Variants in NRXN3 observed in about 807,000 individuals in gnomAD.
NRXN3 encodes the protein neurexin 3.
In NRXN3, 32 loss-of-function variants were observed where a neutral mutation model predicts 137.6. The observed-to-expected ratio is 0.23, with a 90% confidence interval of 0.18 to 0.31. The LOEUF is 0.31. Ranked by LOEUF, NRXN3 falls within the 10% of genes least tolerant of loss-of-function variation. NRXN3 has a pLI of 1.00. For synonymous variants in NRXN3, 798 were observed against 784.5 expected (o/e 1.02, Z -0.29); for missense variants, 1,574 against 2,062.5 (o/e 0.76, Z 4.59).
intron 14 of NRXN3, among the ~76,000 whole-genome samples, chr14:78,983,806 G>C (rs1167220027): frequency 6.9e-6 from 1 of 145,724 alleles, no homozygotes; most frequent in Non-Finnish European, 1.5e-5. Context: ...GCAGTGAGCC[G>C]AGATCATGCC....
chr14:78,423,704 C>T (rs963520619), intron 4 of NRXN3, among the ~76,000 whole-genome samples: 1 of 152,226 alleles, frequency 6.6e-6, no homozygotes, highest in Non-Finnish European at 1.5e-5. Context: ...TGCATGTTCC[C>T]TGTCTCCACA....
intron 15 of NRXN3, among the ~76,000 whole-genome samples, chr14:79,263,937 A>C (rs2078030765): frequency 6.6e-6 from 1 of 152,168 alleles, no homozygotes; most frequent in African/African-American, 2.4e-5. Flanking sequence ...CTTTTGCCAG[A>C]TGAGCTTTAA....
chr14:79,182,358 T>G (rs2063024644), intron 15 of NRXN3, among the ~76,000 whole-genome samples: 1 of 151,796 alleles, frequency 6.6e-6, no homozygotes, highest in Non-Finnish European at 1.5e-5. Context: ...CACCATAATG[T>G]TGAATGAGTC....
chr14:78,760,279 T>G (rs962561409), intron 8 of NRXN3, among the ~76,000 whole-genome samples: 11 of 150,890 alleles, frequency 7.3e-5, no homozygotes, highest in African/African-American at 2.7e-4. Context: ...CGACCTCAGG[T>G]GATCCGCCCG....
chr14:78,748,948 A>G (rs1457331879), intron 8 of NRXN3, among the ~76,000 whole-genome samples: 2 of 152,238 alleles, frequency 1.3e-5, no homozygotes, highest in African/African-American at 4.8e-5. Context: ...GCCTACTCAC[A>G]TCACAGCATC....
intron 15 of NRXN3, among the ~76,000 whole-genome samples, chr14:79,435,348 A>G (rs1327046914): frequency 6.6e-6 from 1 of 151,620 alleles, no homozygotes; most frequent in African/African-American, 2.4e-5. Context: ...GGATGAGGTA[A>G]GTAGAGAAAG....
chr14:78,973,577 A>G (rs2099452077), intron 14 of NRXN3, among the ~76,000 whole-genome samples: 1 of 152,182 alleles, frequency 6.6e-6, no homozygotes, highest in African/African-American at 2.4e-5. Flanking sequence ...GAGGAAGAAG[A>G]TGATCTGTCA....
At chr14:78,490,890 T>G (rs1178921506) in intron 4 of NRXN3, among the ~76,000 whole-genome samples, 1 of 152,176 alleles carries the variant, frequency 6.6e-6, no homozygotes, top group Admixed American at 6.5e-5. Context: ...TGTTTTTCTG[T>G]CCATAGCTGA....
intron 10 of NRXN3, among the ~76,000 whole-genome samples, chr14:78,943,255 C>T (rs1346514428): frequency 1.3e-5 from 2 of 152,078 alleles, no homozygotes; most frequent in Non-Finnish European, 2.9e-5. Context: ...ATGGGAGTGG[C>T]TGCTGAAGCC....
chr14:78,909,502 T>A (rs921105309), intron 10 of NRXN3, among the ~76,000 whole-genome samples: 5 of 152,306 alleles, frequency 3.3e-5, no homozygotes, highest in Middle Eastern at 6.8e-3. Flanking sequence ...ATGACAATGT[T>A]CCTTCTTGTT....
intron 3 of NRXN3, chr14:78,282,605 TGTCTGCTGGGCCCCCAGGAGGCCTCC>T (rs2074556567): frequency 1.2e-5 from 2 of 160,156 alleles, no homozygotes; most frequent in South Asian, 3.5e-4. Context: ...GAGGGGCTCC[TGTCTGCTGGGCCCCCAGGAGGCCTCC>T]GTCTGCTGTT....
chr14:78,608,731 T>C (rs548069913), intron 4 of NRXN3, among the ~76,000 whole-genome samples: 1 of 152,314 alleles, frequency 6.6e-6, no homozygotes, highest in Non-Finnish European at 1.5e-5. Flanking sequence ...TTGAATAGCC[T>C]AGCCTGGGTC....
intron 4 of NRXN3, among the ~76,000 whole-genome samples, chr14:78,634,583 G>A (rs2097550909): frequency 6.6e-6 from 1 of 152,140 alleles, no homozygotes; most frequent in Non-Finnish European, 1.5e-5. Flanking sequence ...TATAGTAGAG[G>A]ATATTGCAAA....
At chr14:78,937,207 C>T (rs959466298) in intron 10 of NRXN3, among the ~76,000 whole-genome samples, 1 of 140,142 alleles carries the variant, frequency 7.1e-6, no homozygotes. Flanking sequence ...AAAAAAGAAA[C>T]AAAGAAAAGA....
At chr14:79,734,252 G>T (rs2098934260) in intron 19 of NRXN3, among the ~76,000 whole-genome samples, 1 of 152,164 alleles carries the variant, frequency 6.6e-6, no homozygotes, top group South Asian at 2.1e-4. Context: ...ATCCAATTCT[G>T]TGTAAACTCT....
intron 16 of NRXN3, among the ~76,000 whole-genome samples, chr14:79,498,985 A>C (rs1056250023): frequency 6.6e-6 from 1 of 152,222 alleles, no homozygotes; most frequent in East Asian, 1.9e-4. Context: ...AGGTCTCACT[A>C]TGTTGCTCAG....
chr14:78,225,988 T>TTG (rs1283037671), intron 1 of NRXN3, among the ~76,000 whole-genome samples: 30 of 144,712 alleles, frequency 2.1e-4, no homozygotes, highest in African/African-American at 7.3e-4. Context: ...TGTGTGTGTG[T>TTG]GTGTGTGTGT....
intron 4 of NRXN3, among the ~76,000 whole-genome samples, chr14:78,508,201 G>T (rs2096032327): frequency 6.6e-6 from 1 of 152,166 alleles, no homozygotes; most frequent in African/African-American, 2.4e-5. Context: ...CAGAAATTCT[G>T]CTGATTGACA....
chr14:79,511,114 A>T (rs1030726356), intron 16 of NRXN3, among the ~76,000 whole-genome samples: 2 of 152,218 alleles, frequency 1.3e-5, no homozygotes, highest in East Asian at 1.9e-4. Context: ...ACAAACAGGA[A>T]AAACGGACCC....
Sources: gnomAD v4.1 joint callset for allele counts (sites outside exome capture counted in the v4.1 genomes callset) on GRCh38, gnomAD v4.1.1 for gene constraint, MANE v1.5 for transcripts, NCBI Gene and HGNC (gene_info 2026-07-23, HGNC 2026-07-21) for gene names.